LMX1B: variants seen among roughly 807,000 people sequenced by gnomAD.
The protein encoded by LMX1B is LIM homeobox transcription factor 1 beta, also known as LIM homeobox transcription factor 1-beta.
Under a neutral mutation model 51.4 loss-of-function variants are expected in LMX1B, and 12 were observed. The ratio of observed to expected loss-of-function variants is 0.23; its 90% CI spans 0.15 to 0.38. The LOEUF (loss-of-function observed/expected upper bound fraction) is 0.38. LMX1B is among the 10% of genes least tolerant of loss of function. LMX1B has a pLI of 1.00. For missense variants in LMX1B, 445 were observed against 571.1 expected (o/e 0.78, Z 2.25); for synonymous variants, 237 against 235.4 (o/e 1.01, Z -0.06).
chr9:126,652,391 G>T lies in LMX1B; in HGVS notation c.326+36822G>T, dbSNP rs149799906. ...AAAGGCAGTCTCCTTATCAGCTGGG[G>T]GTTTGTTTGGAACGATAACTGCACC... On this transcript the variant is annotated intron_variant, in intron 2 of 7. Transcript: ENST00000373474. Among the ~76,000 whole-genome samples, 217 of 152,342 alleles carry T rather than the reference G, an allele frequency of 1.4e-3. 2 individuals carry two copies. Among genetic ancestry groups the T allele is most frequent in the African/African-American group, 4.8e-3 (200 of 41,592 alleles).
At position 126,669,552 on chromosome 9, in the gene LMX1B, G is replaced by A. The variant is rs143733351; in HGVS notation, c.327-21284G>A. Among the ~76,000 whole-genome samples the A allele has an allele frequency of 6.6e-5, 10 of 152,268 alleles. No individual in the cohort carries two copies. The East Asian group carries it at 1.7e-3, about 26-fold the overall frequency. On this transcript the variant is annotated intron_variant, in intron 2 of 7. Transcript: ENST00000373474. ...GGGCCTGGGGGGTCTTCGTTTTGAC[G>A]CGTCTTGTTTGTCCAGCCTCTCACA... is the stretch of plus-strand genomic sequence containing the variant.
In LMX1B at chr9:126,615,903, T is replaced by A. The variant is rs1280217490; in HGVS notation, c.326+334T>A. Among the ~76,000 whole-genome samples, 1 of 152,112 alleles carries A rather than the reference T, an allele frequency of 6.6e-6. No individual in the cohort carries two copies. The highest frequency in any genetic ancestry group is 2.1e-4 in the South Asian group (1 of 4,820). On this transcript the variant is annotated intron_variant, in intron 2 of 7. Coordinates refer to ENST00000373474, the MANE Select transcript of LMX1B (RefSeq NM_001174147.2). This position sits in a 1 kb window ranked among gnomAD's most constrained non-coding sequence, Gnocchi z 6.0. ...CTGAATTGGGAACCCAAAATTGATT[T>A]CCAAAGGAAAATAATGTTTTAGGGA... is the stretch of plus-strand genomic sequence containing the variant.
At chr9:126,639,633 C>A (rs1198723674) in intron 2 of LMX1B, among the ~76,000 whole-genome samples, 1 of 152,216 alleles carries the variant, frequency 6.6e-6, no homozygotes, top group African/African-American at 2.4e-5. Flanking sequence ...AGCCTGGCCC[C>A]TTCCCACCAA....
At position 126,696,533 on chromosome 9, in the gene LMX1B, C is replaced by T; in HGVS notation, c.*82C>T. 1 of 1,508,170 alleles carries T rather than the reference C, an allele frequency of 6.6e-7. No homozygotes were observed. Among genetic ancestry groups the T allele is most frequent in the Non-Finnish European group, 9.2e-7 (1 of 1,088,216 alleles). 93.4% of individuals were successfully genotyped at this position (1,508,170 alleles called of 1,614,324 possible). ...TGCGGCCAGCCTGGCCACCCCCGCC[C>T]TGCTCTCCGCACAGACTACAGACAG... On this transcript the variant is annotated 3_prime_UTR_variant, in exon 8 of 8. Coordinates refer to ENST00000373474, the MANE Select transcript of LMX1B (RefSeq NM_001174147.2).
chr9:126,616,663 G>A (rs939589859), intron 2 of LMX1B, among the ~76,000 whole-genome samples: 5 of 152,220 alleles, frequency 3.3e-5, no homozygotes, highest in African/African-American at 1.2e-4. Context: ...GTATGCCCAA[G>A]CCTCCAGGGA....
At chr9:126,686,370 C>T (rs891103912) in intron 2 of LMX1B, among the ~76,000 whole-genome samples, 5 of 152,000 alleles carry the variant, frequency 3.3e-5, no homozygotes, top group African/African-American at 1.2e-4. Context: ...GTTTATTAGC[C>T]TTATGAGTTT....
At chr9:126,632,288 C>T (rs1166160039) in intron 2 of LMX1B, among the ~76,000 whole-genome samples, 5 of 151,968 alleles carry the variant, frequency 3.3e-5, no homozygotes, top group Admixed American at 1.3e-4. Flanking sequence ...TGCCAGCTTA[C>T]GCCAGGCAGG....
intron 2 of LMX1B, among the ~76,000 whole-genome samples, chr9:126,664,806 C>T (rs1564160099): frequency 6.6e-6 from 1 of 152,102 alleles, no homozygotes; most frequent in Non-Finnish European, 1.5e-5. Context: ...ACCTGGGAGG[C>T]GGAGGTTGCA....
chr9:126,676,467 AGAG>A (rs1836566817), intron 2 of LMX1B, among the ~76,000 whole-genome samples: 1 of 152,234 alleles, frequency 6.6e-6, no homozygotes, highest in African/African-American at 2.4e-5. Flanking sequence ...AGTGGCAGGA[AGAG>A]GAGGATACCC....
Position 126,686,724 on chromosome 9 carries a change from G to A in LMX1B, c.327-4112G>A, listed in dbSNP as rs553578230. Among the ~76,000 whole-genome samples the A allele has an allele frequency of 3.3e-5, 5 of 152,312 alleles. No individual in the cohort carries two copies. The South Asian group carries it at 1.0e-3, about 32-fold the overall frequency. Reference sequence around the variant, plus strand: ...TGGAGATGCACAGAGCAGGGAGGGAGTATCTGGAGTATCTGGTGATGCTGC... The same window carrying A: ...TGGAGATGCACAGAGCAGGGAGGGAATATCTGGAGTATCTGGTGATGCTGC... On this transcript the variant is annotated intron_variant, in intron 2 of 7. Coordinates refer to ENST00000373474, the MANE Select transcript of LMX1B (RefSeq NM_001174147.2).
At chr9:126,653,641 C>T (rs1445765425) in intron 2 of LMX1B, among the ~76,000 whole-genome samples, 2 of 152,130 alleles carry the variant, frequency 1.3e-5, no homozygotes, top group Non-Finnish European at 2.9e-5. Context: ...GTGTTGGGTG[C>T]GTTTGTGCAT....
Position 126,696,279 on chromosome 9 carries a change from C to G in LMX1B, c.1052-15C>G. On this transcript the variant is annotated splice_polypyrimidine_tract_variant and intron_variant, in intron 7 of 7. Coordinates refer to ENST00000373474, the MANE Select transcript of LMX1B (RefSeq NM_001174147.2). ...CAGCCTGTACCCCGGTCCTGACACC[C>G]CTTCTGCCCCCCAGGGAACGACTCC... 1 of 1,613,846 alleles carries G rather than the reference C, an allele frequency of 6.2e-7. No individual in the cohort carries two copies. The highest frequency in any genetic ancestry group is 8.5e-7 in the Non-Finnish European group (1 of 1,179,778).
intron 2 of LMX1B, among the ~76,000 whole-genome samples, chr9:126,665,890 A>C (rs1451310818): frequency 6.6e-6 from 1 of 152,226 alleles, no homozygotes; most frequent in Non-Finnish European, 1.5e-5. Flanking sequence ...GGGCTACACC[A>C]TTGTCTCCAG....
At position 126,677,232 on chromosome 9, in the gene LMX1B, G is replaced by T. The variant is rs1310507936; in HGVS notation, c.327-13604G>T. ...TGGGAGAGGGTCCCCATCTCTGGCAGGAAATGAGTGGCACCCACACTTTCA... is the reference window on the plus strand; with the variant it reads ...TGGGAGAGGGTCCCCATCTCTGGCATGAAATGAGTGGCACCCACACTTTCA... On this transcript the variant is annotated intron_variant, in intron 2 of 7. Transcript: ENST00000373474. This position sits in a 1 kb window ranked among gnomAD's most constrained non-coding sequence, Gnocchi z 5.0. Among the ~76,000 whole-genome samples, 1 of 152,180 alleles carries T rather than the reference G, an allele frequency of 6.6e-6. No homozygotes were observed. Among genetic ancestry groups the T allele is most frequent in the Admixed American group, 6.5e-5 (1 of 15,270 alleles).
At chr9:126,631,029 C>T (rs1178329938) in intron 2 of LMX1B, among the ~76,000 whole-genome samples, 1 of 152,264 alleles carries the variant, frequency 6.6e-6, no homozygotes, top group Non-Finnish European at 1.5e-5. Flanking sequence ...CCTGCCCACC[C>T]CTCCAGCTCT....
chr9:126,646,181 T>C (rs1265283904), intron 2 of LMX1B, among the ~76,000 whole-genome samples: 1 of 152,136 alleles, frequency 6.6e-6, no homozygotes, highest in Non-Finnish European at 1.5e-5. Flanking sequence ...TGCTCTATGT[T>C]GATATGAAGT....
chr9:126,693,020 G>A, intron 3 of LMX1B, 122 bp from the exon 4 acceptor site: 1 of 1,048,472 alleles, frequency 9.5e-7, no homozygotes, highest in Non-Finnish European at 1.4e-6. Context: ...CCACTGGGGA[G>A]CCACGGCAGG....
chr9:126,676,696 TCA>T (rs1217051322), intron 2 of LMX1B, among the ~76,000 whole-genome samples: 1 of 152,208 alleles, frequency 6.6e-6, no homozygotes, highest in African/African-American at 2.4e-5. Context: ...TCTCTGAGCC[TCA>T]GTTTGCTCAT....
At chr9:126,614,680 G>A (rs920923026) in intron 1 of LMX1B, 92 bp downstream of exon 1, 8 of 1,332,494 alleles carry the variant, frequency 6.0e-6, no homozygotes, top group African/African-American at 1.5e-5. Flanking sequence ...AACGGATAAA[G>A]GAAATGGGTT....
Sources: gnomAD v4.1 joint callset for allele counts (sites outside exome capture counted in the v4.1 genomes callset) on GRCh38, gnomAD v4.1.1 for gene constraint, Gnocchi (gnomAD v3.1) non-coding constraint, MANE v1.5 for transcripts, NCBI Gene and HGNC (gene_info 2026-07-23, HGNC 2026-07-21) for gene names.